Variants in ADAMTS6 observed in about 807,000 individuals in gnomAD.
ADAMTS6 encodes the protein A disintegrin and metalloproteinase with thrombospondin motifs 6.
In ADAMTS6, 23 loss-of-function variants were observed where a neutral mutation model predicts 144.3. That is an observed-to-expected ratio of 0.16 (90% CI 0.11 to 0.23). The LOEUF (loss-of-function observed/expected upper bound fraction) is 0.23, where lower values mean the gene tolerates loss of function less well. Among genes scored for constraint, ADAMTS6 ranks in the 10% least tolerant of loss-of-function variants. The pLI is 1.00. For synonymous variants in ADAMTS6, 444 were observed against 457.5 expected, an observed-to-expected ratio of 0.97 and a Z score of 0.38; for missense variants, 999 against 1,379.6, an observed-to-expected ratio of 0.72 and a Z score of 4.37.
intron 15 of ADAMTS6, among the ~76,000 whole-genome samples, chr5:65,236,889 A>C (rs1374776397): frequency 6.6e-6 from 1 of 152,114 alleles, no homozygotes; most frequent in Non-Finnish European, 1.5e-5. Context: ...TTCTTTGAAA[A>C]TATTAATAAA....
At chr5:65,449,852 A>T (rs1270231964) in intron 7 of ADAMTS6, among the ~76,000 whole-genome samples, 1 of 152,124 alleles carries the variant, frequency 6.6e-6, no homozygotes, top group Non-Finnish European at 1.5e-5. Context: ...ATACCTATAT[A>T]TGTGCTTGGT....
intron 21 of ADAMTS6, 66 bp from the exon 22 acceptor site, chr5:65,188,286 A>C: frequency 6.6e-7 from 1 of 1,518,700 alleles, no homozygotes; most frequent in Non-Finnish European, 9.0e-7. Flanking sequence ...TTTTTAGCTA[A>C]GTGAAGGCAC....
At chr5:65,310,448 C>T (rs1027842178) in intron 9 of ADAMTS6, among the ~76,000 whole-genome samples, 2 of 152,106 alleles carry the variant, frequency 1.3e-5, no homozygotes, top group African/African-American at 4.8e-5. Context: ...ATCACTTGAG[C>T]CCAGGAGGTT....
chr5:65,366,284 G>T (rs1394631873), intron 7 of ADAMTS6, among the ~76,000 whole-genome samples: 1 of 152,098 alleles, frequency 6.6e-6, no homozygotes, highest in Non-Finnish European at 1.5e-5. Context: ...TTTACTAATG[G>T]TAATGGTAAA....
intron 8 of ADAMTS6, among the ~76,000 whole-genome samples, chr5:65,331,997 T>G (rs1746769701): frequency 6.6e-6 from 1 of 151,774 alleles, no homozygotes; most frequent in Admixed American, 6.6e-5. Flanking sequence ...ATTAATAAAC[T>G]ATCAAAGTTA....
At chr5:65,447,338 T>C (rs181935363) in intron 7 of ADAMTS6, among the ~76,000 whole-genome samples, 3 of 152,248 alleles carry the variant, frequency 2.0e-5, no homozygotes, top group Admixed American at 2.0e-4. Context: ...TAGCTATTAA[T>C]TTGGTTTATC....
At chr5:65,307,612 G>C (rs1317233045) in intron 9 of ADAMTS6, among the ~76,000 whole-genome samples, 1 of 152,104 alleles carries the variant, frequency 6.6e-6, no homozygotes, top group African/African-American at 2.4e-5. Context: ...ATACAGCAAG[G>C]CTCCACTCTG....
At position 65,224,338 on chromosome 5, in the gene ADAMTS6, T is replaced by C. The variant is rs77712043; in HGVS notation, c.2254A>G (p.Met752Val). Residue 752 changes from methionine to valine, a missense_variant, in exon 18 of 25, where the codon ATG (methionine) becomes GTG (valine). By Grantham distance (21) the Met-to-Val change is conservative (BLOSUM62 1). Coordinates refer to ENST00000381055, the MANE Select transcript of ADAMTS6 (RefSeq NM_197941.4). ...AACATACCAATATAGTTCTTTGACATGGCAACTTCTCTAACTTCAATGTGA... is the reference window on the plus strand; with the variant it reads ...AACATACCAATATAGTTCTTTGACACGGCAACTTCTCTAACTTCAATGTGA... ...SVHIEVREVA[M>V]SKNYIALKSE... 2.8e-3 allele frequency: 4,538 copies of C among 1,614,074 alleles called. 84 individuals carry two copies. The African/African-American group carries it at 0.046, about 16-fold the overall frequency.
rs115370689 is a variant in ADAMTS6 at position 65,442,473 on chromosome 5, G to A, written c.1073+9002C>T. 6.9e-3 allele frequency among the ~76,000 whole-genome samples: 1,046 copies of A among 152,162 alleles called. 13 individuals are homozygous for A. Among genetic ancestry groups the A allele is most frequent in the African/African-American group, 0.024 (981 of 41,528 alleles). ...TTGTCAATTCTACAAAACATCTGAG[G>A]AGGAAATAATATCAATTCTATACAA... On this transcript the variant is annotated intron_variant, in intron 7 of 24. Coordinates refer to ENST00000381055, the MANE Select transcript of ADAMTS6 (RefSeq NM_197941.4).
At chr5:65,342,608 A>G (rs1747953047) in intron 7 of ADAMTS6, among the ~76,000 whole-genome samples, 1 of 152,170 alleles carries the variant, frequency 6.6e-6, no homozygotes, top group South Asian at 2.1e-4. Context: ...CATATTTAAC[A>G]GAGAAAAGAA....
chr5:65,220,424 G>A (rs1243264277), intron 18 of ADAMTS6, among the ~76,000 whole-genome samples: 2 of 152,052 alleles, frequency 1.3e-5, no homozygotes, highest in Non-Finnish European at 2.9e-5. Context: ...TTAAAACAAA[G>A]TGAATAGAAA....
At chr5:65,403,694 T>C (rs968761733) in intron 7 of ADAMTS6, among the ~76,000 whole-genome samples, 3 of 152,096 alleles carry the variant, frequency 2.0e-5, no homozygotes, top group Non-Finnish European at 2.9e-5. Context: ...CAAGTTACCA[T>C]GTAAAATAGC....
At chr5:65,328,565 A>G (rs1218421192) in intron 9 of ADAMTS6, among the ~76,000 whole-genome samples, 2 of 151,998 alleles carry the variant, frequency 1.3e-5, no homozygotes, top group Non-Finnish European at 2.9e-5. Flanking sequence ...GTAAATTGGA[A>G]GCTCGTTTGT....
At chr5:65,221,131 C>T (rs1757297311) in intron 18 of ADAMTS6, among the ~76,000 whole-genome samples, 1 of 152,114 alleles carries the variant, frequency 6.6e-6, no homozygotes, top group South Asian at 2.1e-4. Context: ...GAAAGGAACA[C>T]TTCTAAAGCC....
intron 18 of ADAMTS6, among the ~76,000 whole-genome samples, chr5:65,220,482 C>T (rs1437384633): frequency 5.9e-5 from 9 of 151,848 alleles, no homozygotes; most frequent in South Asian, 2.1e-4. Context: ...CAGTGGCTCA[C>T]GCCTGTAATC....
chr5:65,230,911 C>CA (rs2112436204), intron 15 of ADAMTS6, among the ~76,000 whole-genome samples: 1 of 144,078 alleles, frequency 6.9e-6, no homozygotes, highest in South Asian at 2.2e-4. Flanking sequence ...TATATGAAAT[C>CA]AAAGCATACT....
At chr5:65,203,209 A>G (rs923481338) in intron 20 of ADAMTS6, among the ~76,000 whole-genome samples, 2 of 152,210 alleles carry the variant, frequency 1.3e-5, no homozygotes, top group African/African-American at 4.8e-5. Context: ...CAAGTTTCCT[A>G]ATATAAAGAA....
At chr5:65,380,238 C>T (rs980582665) in intron 7 of ADAMTS6, among the ~76,000 whole-genome samples, 9 of 151,946 alleles carry the variant, frequency 5.9e-5, no homozygotes, top group East Asian at 3.9e-4. Flanking sequence ...TCAGTACATA[C>T]GGAATTAACA....
intron 15 of ADAMTS6, among the ~76,000 whole-genome samples, chr5:65,232,708 A>C (rs956589094): frequency 6.6e-6 from 1 of 151,974 alleles, no homozygotes; most frequent in Non-Finnish European, 1.5e-5. Flanking sequence ...AAAAAAAAAA[A>C]AACCTCTCAT....
Sources: allele counts gnomAD v4.1 joint callset (sites outside exome capture counted in the v4.1 genomes callset), GRCh38; gene constraint gnomAD v4.1.1; transcripts MANE v1.5; gene names NCBI Gene and HGNC (gene_info 2026-07-23, HGNC 2026-07-21).